Variants in ANK3 observed in about 807,000 individuals in gnomAD.
The protein encoded by ANK3 is ankyrin-3.
Under a neutral mutation model 370.9 loss-of-function variants are expected in ANK3, and 57 were observed. The ratio of observed to expected loss-of-function variants is 0.15; its 90% confidence interval spans 0.12 to 0.19. The LOEUF is 0.19. Among genes scored for constraint, ANK3 ranks in the 10% least tolerant of loss-of-function variants. The probability of loss-of-function intolerance (pLI) is 1.00; values close to 1 mark genes in which losing one functional copy is unlikely to be tolerated. For missense variants in ANK3, 4,439 were observed against 5,302.1 expected, an observed-to-expected ratio of 0.84 and a Z score of 5.06; for synonymous variants, 1,929 against 1,946.3, an observed-to-expected ratio of 0.99 and a Z score of 0.23.
At chr10:60,407,154 T>C (rs1714869468) in intron 2 of ANK3, among the ~76,000 whole-genome samples, 1 of 152,214 alleles carries the variant, frequency 6.6e-6, no homozygotes, top group African/African-American at 2.4e-5. Flanking sequence ...GCAAACAAAT[T>C]GGTTAACCCC....
chr10:60,213,334 T>C, intron 9 of ANK3, 78 bp downstream of exon 9: 1 of 947,366 alleles, frequency 1.1e-6, no homozygotes, highest in South Asian at 1.6e-5. Context: ...TGTCATTTTC[T>C]ATGTGATTCA....
rs796350775 is a variant in ANK3, at chr10:60,653,355, AT to A, written c.58-38132del. On this transcript the variant is annotated intron_variant, in intron 1 of 43. Coordinates refer to the ANK3 transcript ENST00000373827. ...TGGTATGGGGTAAAGACTGGTGTTA[AT>A]TTTTTTTTTCCCATACAGATTTCCC... 4.7e-5 allele frequency among the ~76,000 whole-genome samples: 7 copies of A among 149,230 alleles called. No individual in the cohort carries two copies. In the South Asian group the frequency reaches 6.4e-4, roughly 14 times the overall value.
At chr10:60,197,771 T>G (rs1254115810) in intron 14 of ANK3, among the ~76,000 whole-genome samples, 1 of 152,114 alleles carries the variant, frequency 6.6e-6, no homozygotes, top group Non-Finnish European at 1.5e-5. Context: ...TTATGTAGTA[T>G]CACAAAAAAA....
intron 1 of ANK3, among the ~76,000 whole-genome samples, chr10:60,687,380 G>A (rs937350001): frequency 3.9e-5 from 6 of 152,092 alleles, no homozygotes; most frequent in African/African-American, 1.2e-4. Context: ...ATTTTACAAT[G>A]GGCTAAGGGC....
chr10:60,414,632 C>T (rs918426384), intron 2 of ANK3, among the ~76,000 whole-genome samples: 5 of 152,104 alleles, frequency 3.3e-5, no homozygotes, highest in Non-Finnish European at 5.9e-5. Context: ...AATAAATATG[C>T]CTTCTCTCCT....
At chr10:60,206,610 A>G (rs17805636) in intron 10 of ANK3, among the ~76,000 whole-genome samples, 5,093 of 152,302 alleles carry the variant, frequency 0.033, 139 homozygotes, top group Middle Eastern at 0.054. Context: ...GTTTTAGGAC[A>G]ACTACAAGAC....
At position 60,634,419 on chromosome 10, in the gene ANK3, G is replaced by T. The variant is rs550471645; in HGVS notation, c.58-19195C>A. Among the ~76,000 whole-genome samples the T allele has an allele frequency of 5.3e-5, 8 of 152,228 alleles. No homozygotes were observed. The South Asian group carries it at 1.7e-3, about 32-fold the overall frequency. ...CCAGCTGGACTTCCTGGGTCGAGTG[G>T]GGACTTGGAGAGCTTTTCTGTCTAG... On this transcript the variant is annotated intron_variant, in intron 1 of 43. Coordinates refer to the ANK3 transcript ENST00000373827.
intron 14 of ANK3, among the ~76,000 whole-genome samples, chr10:60,197,783 T>C (rs1395748625): frequency 1.3e-5 from 2 of 152,148 alleles, no homozygotes; most frequent in Non-Finnish European, 2.9e-5. Flanking sequence ...ACAAAAAAAA[T>C]GAGCTCCAAA....
At chr10:60,723,153 G>T (rs977495164) in intron 1 of ANK3, among the ~76,000 whole-genome samples, 1 of 152,186 alleles carries the variant, frequency 6.6e-6, no homozygotes, top group African/African-American at 2.4e-5. Flanking sequence ...TGATCCTTAT[G>T]ACTTGACAGG....
intron 2 of ANK3, among the ~76,000 whole-genome samples, chr10:60,598,603 TTTAG>T (rs1268398959): frequency 4.6e-5 from 7 of 152,006 alleles, no homozygotes; most frequent in Non-Finnish European, 5.9e-5. Flanking sequence ...TGTGACTATA[TTTAG>T]TTATTCATTC....
At chr10:60,253,458 A>C (rs192091900) in intron 7 of ANK3, among the ~76,000 whole-genome samples, 1 of 152,244 alleles carries the variant, frequency 6.6e-6, no homozygotes, top group Non-Finnish European at 1.5e-5. Context: ...CAAGTATATA[A>C]ATGGACATCA....
intron 2 of ANK3, among the ~76,000 whole-genome samples, chr10:60,513,575 A>C (rs2076142662): frequency 6.6e-6 from 1 of 152,102 alleles, no homozygotes; most frequent in Non-Finnish European, 1.5e-5. Flanking sequence ...AAAAAAGAAA[A>C]GGTTGGTAAA....
intron 23 of ANK3, among the ~76,000 whole-genome samples, chr10:60,158,685 C>CTTT (rs141741941): frequency 1.5e-5 from 2 of 132,756 alleles, no homozygotes; most frequent in South Asian, 2.4e-4. Flanking sequence ...CACTTTTTTT[C>CTTT]TTTTTTTTGA....
intron 1 of ANK3, among the ~76,000 whole-genome samples, chr10:60,698,752 T>C (rs1488689221): frequency 1.6e-5 from 1 of 64,406 alleles, no homozygotes; most frequent in Non-Finnish European, 2.7e-5. Context: ...GGGACTGTTG[T>C]GGGGTGGGGG....
chr10:60,574,008 AG>A (rs1250203681), intron 2 of ANK3, among the ~76,000 whole-genome samples: 1 of 152,122 alleles, frequency 6.6e-6, no homozygotes. Context: ...ACAGCCATAC[AG>A]GAAAAAACAA....
intron 9 of ANK3, among the ~76,000 whole-genome samples, chr10:60,208,779 G>A (rs750009711): frequency 2.6e-5 from 4 of 152,172 alleles, no homozygotes; most frequent in Non-Finnish European, 4.4e-5. Context: ...AGACTATACT[G>A]ATTTGACTTT....
At chr10:60,106,082 T>C in intron 27 of ANK3, 23 bp from the exon 28 acceptor site, 1 of 1,584,316 alleles carries the variant, frequency 6.3e-7, no homozygotes, top group Non-Finnish European at 8.6e-7. Flanking sequence ...TCCACATTAT[T>C]TTGGTATCAA....
chr10:60,650,050 C>A (rs1264534564), intron 1 of ANK3, among the ~76,000 whole-genome samples: 1 of 152,200 alleles, frequency 6.6e-6, no homozygotes, highest in African/African-American at 2.4e-5. Flanking sequence ...CCAATTCCCA[C>A]TAGACAGAAA....
At chr10:60,186,694 G>A (rs1407956203) in intron 17 of ANK3, 21 bp downstream of exon 17, 2 of 1,612,756 alleles carry the variant, frequency 1.2e-6, no homozygotes, top group Admixed American at 1.7e-5. Context: ...TGCATGCTTT[G>A]TCAAGAAAGA....
Sources: allele counts gnomAD v4.1 joint callset (sites outside exome capture counted in the v4.1 genomes callset), GRCh38; gene constraint gnomAD v4.1.1; transcripts MANE v1.5; gene names NCBI Gene and HGNC (gene_info 2026-07-23, HGNC 2026-07-21).